ARID5B: variants seen among roughly 807,000 people sequenced by gnomAD.
ARID5B encodes AT-rich interaction domain 5B, also known as AT-rich interactive domain-containing protein 5B.
In ARID5B, 13 loss-of-function variants were observed where a neutral mutation model predicts 97.2. The ratio of observed to expected loss-of-function variants is 0.13; its 90% CI spans 0.09 to 0.21. The LOEUF is 0.21. Ranked by LOEUF, ARID5B falls within the 10% of genes least tolerant of loss-of-function variation. ARID5B has a pLI of 1.00. For synonymous variants in ARID5B, 556 were observed against 570.3 expected (o/e 0.97, Z 0.36); for missense variants, 1,210 against 1,465.3 (o/e 0.83, Z 2.84).
At chr10:61,985,891 A>G (rs1347374904) in intron 3 of ARID5B, among the ~76,000 whole-genome samples, 2 of 152,058 alleles carry the variant, frequency 1.3e-5, no homozygotes, top group African/African-American at 4.8e-5. Flanking sequence ...GTTCTGTGCA[A>G]TGGTCATCTG....
chr10:62,035,514 C>T lies in ARID5B; in HGVS notation c.734-15374C>T, dbSNP rs775202652. ...AAATTTGTTATTAATTATTTTAAGA[C>T]GGAGTCTCACTCATTGCCCAGGCTG... On this transcript the variant is annotated intron_variant, in intron 4 of 9. Coordinates refer to ENST00000279873, the MANE Select transcript of ARID5B (RefSeq NM_032199.3). Among the ~76,000 whole-genome samples the T allele has an allele frequency of 5.9e-5, 9 of 152,262 alleles. No homozygotes were observed. In the South Asian group the frequency reaches 6.2e-4, roughly 11 times the overall value.
intron 5 of ARID5B, 32 bp downstream of exon 5, chr10:62,051,032 G>A (rs375354880): frequency 3.4e-5 from 53 of 1,563,774 alleles, no homozygotes; most frequent in Admixed American, 2.5e-4. Flanking sequence ...TATTCATTTC[G>A]TTGCATCTTT....
Position 62,059,166 on chromosome 10 carries a change from A to G in ARID5B, c.1049-77A>G, listed in dbSNP as rs1274269638. ...CTTTTTTTCTCTTTCTCGTTGAAAA[A>G]AAAAATGTTTTAATTGACATTTCTT... On this transcript the variant is annotated intron_variant, in intron 6 of 9. Coordinates refer to ENST00000279873, the MANE Select transcript of ARID5B (RefSeq NM_032199.3). 2.6e-5 allele frequency: 32 copies of G among 1,244,038 alleles called. 1 individual carries two copies. In the East Asian group the frequency reaches 7.7e-4, roughly 30 times the overall value. 77.1% of individuals were successfully genotyped at this position (1,244,038 alleles called of 1,614,324 possible).
At chr10:61,951,092 C>T (rs1214166709) in intron 3 of ARID5B, among the ~76,000 whole-genome samples, 2 of 152,232 alleles carry the variant, frequency 1.3e-5, no homozygotes, top group East Asian at 3.8e-4. Context: ...GTCAGATTCA[C>T]TCCTCTCCTG....
In ARID5B at chr10:62,092,882, T is replaced by C. The variant is rs1319691898; in HGVS notation, c.3419T>C (p.Leu1140Pro). ...IFTSPTNSQQ[L>P]YRHLAAATPV... is the part of the protein sequence containing the mutation. ...ACATCACCGACAAATTCTCAGCAGC[T>C]GTACAGACACTTGGCTGCGGCTACA... Residue 1140 changes from leucine to proline, a missense_variant, in exon 10 of 10, where the codon CTG becomes CCG. Transcript: ENST00000279873. 1 of 1,614,120 alleles carries C rather than the reference T, an allele frequency of 6.2e-7. No homozygotes were observed. The highest frequency in any genetic ancestry group is 8.5e-7 in the Non-Finnish European group (1 of 1,180,046).
chr10:61,980,830 G>C (rs544132933), intron 3 of ARID5B, among the ~76,000 whole-genome samples: 11 of 152,250 alleles, frequency 7.2e-5, no homozygotes, highest in Admixed American at 3.9e-4. Context: ...GAGGAACATG[G>C]CTTCCCAGGA....
chr10:62,021,367 G>T (rs1385795259), intron 4 of ARID5B, among the ~76,000 whole-genome samples: 1 of 152,080 alleles, frequency 6.6e-6, no homozygotes, highest in Non-Finnish European at 1.5e-5. Context: ...GTGTGCAAAG[G>T]CATCTTTAAA....
intron 3 of ARID5B, among the ~76,000 whole-genome samples, chr10:61,981,200 T>G (rs1374163369): frequency 2.6e-5 from 4 of 152,176 alleles, no homozygotes; most frequent in Middle Eastern, 3.2e-3. Flanking sequence ...TGCCTGTCTG[T>G]AGTGCATGTT....
Position 62,091,787 on chromosome 10 carries a change from A to G in ARID5B, c.2324A>G (p.His775Arg), listed in dbSNP as rs1840377924. The change falls in exon 10 of 10, where the codon CAT becomes CGT. Residue 775 changes from histidine (H) to arginine (R), a missense_variant. Coordinates refer to ENST00000279873, the MANE Select transcript of ARID5B (RefSeq NM_032199.3). ...AAGACCATCAATGACATCTTTAAGCATGAGAAACTGAGTCGATCAGATCCC... is the reference window on the plus strand; with the variant it reads ...AAGACCATCAATGACATCTTTAAGCGTGAGAAACTGAGTCGATCAGATCCC... ...ERKTINDIFK[H>R]EKLSRSDPHR... 5 of 1,614,102 alleles carry G rather than the reference A, an allele frequency of 3.1e-6. No homozygotes were observed. The highest frequency in any genetic ancestry group is 4.2e-6 in the Non-Finnish European group (5 of 1,180,008).
At chr10:62,076,561 C>CAAAAAAAAAAAAA (rs11363274) in intron 8 of ARID5B, among the ~76,000 whole-genome samples, 105 of 92,574 alleles carry the variant, frequency 1.1e-3, no homozygotes, top group South Asian at 1.7e-3. Flanking sequence ...GACTCTGTCT[C>CAAAAAAAAAAAAA]AAAAAAAAAA....
intron 3 of ARID5B, among the ~76,000 whole-genome samples, chr10:61,964,819 T>C (rs1019812787): frequency 2.4e-4 from 37 of 152,354 alleles, no homozygotes; most frequent in African/African-American, 8.9e-4. Context: ...ATGCCTATTA[T>C]GTTTTAAATT....
chr10:62,083,629 T>C (rs1167991465), intron 8 of ARID5B, among the ~76,000 whole-genome samples: 1 of 152,228 alleles, frequency 6.6e-6, no homozygotes, highest in Non-Finnish European at 1.5e-5. Context: ...ATTGCTATCA[T>C]TGGAATACCC....
intron 8 of ARID5B, among the ~76,000 whole-genome samples, chr10:62,081,791 A>C (rs1226197411): frequency 2.0e-5 from 3 of 152,240 alleles, no homozygotes; most frequent in Non-Finnish European, 4.4e-5. Context: ...GCTGTAGAGA[A>C]ATGTATTGAA....
rs1164342402 is a variant in ARID5B at position 61,983,867 on chromosome 10, C to CTTTTTTTTTTTT, written c.503-16204_503-16193dup. Among the ~76,000 whole-genome samples, 114 of 27,592 alleles carry CTTTTTTTTTTTT rather than the reference C, an allele frequency of 4.1e-3. 29 individuals are homozygous for CTTTTTTTTTTTT. Among genetic ancestry groups the CTTTTTTTTTTTT allele is most frequent in the Non-Finnish European group, 5.5e-3 (87 of 15,952 alleles). The allele number at this position is 27,592 out of a possible 152,430, so 18.1% of individuals were successfully genotyped here. ...TATATTTTTTAAACCCCCTTTTGTTCTTTTTTTTTTTTTTTTTTTTTTTTT... is the reference window on the plus strand; with the variant it reads ...TATATTTTTTAAACCCCCTTTTGTTCTTTTTTTTTTTTTTTTTTTTTTTTTTTTTTTTTTTTT... On this transcript the variant is annotated intron_variant, in intron 3 of 9. Transcript: ENST00000279873.
chr10:62,022,887 T>C (rs76977654), intron 4 of ARID5B, among the ~76,000 whole-genome samples: 3,189 of 152,278 alleles, frequency 0.021, 51 homozygotes, highest in Non-Finnish European at 0.032. Context: ...GAGTACAAGG[T>C]TAAATTTGCT....
At chr10:62,024,595 A>C (rs967484093) in intron 4 of ARID5B, 11 of 385,082 alleles carry the variant, frequency 2.9e-5, no homozygotes, top group African/African-American at 4.1e-5. Flanking sequence ...GCAGCTTTGA[A>C]CAGATAAGAA....
intron 4 of ARID5B, among the ~76,000 whole-genome samples, chr10:62,031,263 CT>C (rs1839494556): frequency 6.6e-6 from 1 of 152,168 alleles, no homozygotes. Context: ...GATCTGGCAT[CT>C]TTAGAGACCC....
intron 4 of ARID5B, among the ~76,000 whole-genome samples, chr10:62,033,414 A>T (rs960024723): frequency 2.6e-5 from 4 of 152,204 alleles, no homozygotes; most frequent in African/African-American, 9.6e-5. Context: ...TCACCAAGAT[A>T]AGTTCTTCCT....
At chr10:61,942,127 CAA>C (rs1389032697) in intron 3 of ARID5B, among the ~76,000 whole-genome samples, 1 of 152,032 alleles carries the variant, frequency 6.6e-6, no homozygotes, top group South Asian at 2.1e-4. Flanking sequence ...CACATATAAA[CAA>C]GAGTATTTAT....
Sources: gnomAD v4.1 joint callset for allele counts (sites outside exome capture counted in the v4.1 genomes callset) on GRCh38, gnomAD v4.1.1 for gene constraint, MANE v1.5 for transcripts, NCBI Gene and HGNC (gene_info 2026-07-23, HGNC 2026-07-21) for gene names.